The following SLC4A3 variants were observed in gnomAD, a reference collection of about 807,000 sequenced individuals.
The protein encoded by SLC4A3 is solute carrier family 4 member 3.
In SLC4A3, 47 loss-of-function variants were observed where a neutral mutation model predicts 114.2. That is an observed-to-expected ratio of 0.41 (90% CI 0.33 to 0.52). SLC4A3 has a LOEUF of 0.52. Ranked by LOEUF, SLC4A3 falls within the 20% of genes least tolerant of loss-of-function variation. SLC4A3 has a pLI of 0.21. For missense variants in SLC4A3, 1,312 were observed against 1,668.3 expected (o/e 0.79, Z 3.72); for synonymous variants, 693 against 710.3 (o/e 0.98, Z 0.39).
At position 219,639,519 on chromosome 2, in the gene SLC4A3, G is replaced by C; in HGVS notation, c.3061G>C (p.Gly1021Arg). 6.2e-7 allele frequency: 1 copy of C among 1,613,910 alleles called. No homozygotes were observed. The highest frequency in any genetic ancestry group is 8.5e-7 in the Non-Finnish European group (1 of 1,180,020). ...CCAGAAGGCGCGGAGGCTGCTCAAG[G>C]GCTCCGGTTTCCACCTGGACCTGCT... is the stretch of plus-strand genomic sequence containing the variant. ...VSQKARRLLK[G>R]SGFHLDLLLI... The change falls in exon 20 of 23, where the codon GGC becomes CGC. Residue 1021 changes from glycine (G) to arginine (R), a missense_variant. Gly to Arg is a moderately radical substitution (Grantham distance 125, BLOSUM62 -2). Transcript: ENST00000358055. This position sits in a 1 kb window ranked among gnomAD's most constrained non-coding sequence, Gnocchi z 5.9.
Position 219,633,658 on chromosome 2 carries a change from C to T in SLC4A3, c.1461+201C>T, listed in dbSNP as rs115857565. On this transcript the variant is annotated intron_variant, in intron 10 of 22. Transcript: ENST00000358055. Reference sequence around the variant, plus strand: ...TTTGAATGTGATGATGTGGCAGACCCACAGGAGCTGTTTAAACAAGATAAG... The same window carrying T: ...TTTGAATGTGATGATGTGGCAGACCTACAGGAGCTGTTTAAACAAGATAAG... 4.5e-3 allele frequency among the ~76,000 whole-genome samples: 687 copies of T among 152,340 alleles called. 5 individuals carry two copies. The highest frequency in any genetic ancestry group is 0.014 in the African/African-American group (582 of 41,584).
Position 219,627,981 on chromosome 2 carries a change from G to A in SLC4A3, c.-12G>A, listed in dbSNP as rs747344822. 3 of 1,600,122 alleles carry A rather than the reference G, an allele frequency of 1.9e-6. No homozygotes were observed. Among genetic ancestry groups the A allele is most frequent in the Admixed American group, 1.7e-5 (1 of 59,164 alleles). On this transcript the variant is annotated 5_prime_UTR_variant, in exon 2 of 23. Coordinates refer to ENST00000358055, the MANE Select transcript of SLC4A3 (RefSeq NM_005070.4). ...CTAGTGAGCGAGAGCGTCCCCAGCC[G>A]CCTACCTGGCCATGGCCAACGGAGT...
In SLC4A3 at chr2:219,634,731, A is replaced by G. The variant is rs1699058584; in HGVS notation, c.1746+127A>G. On this transcript the variant is annotated intron_variant, in intron 12 of 22. Coordinates refer to ENST00000358055, the MANE Select transcript of SLC4A3 (RefSeq NM_005070.4). ...CCCCTGGGTGGAGGCCATGCCCTGGAGGGTGGTGGGGGGAGCTGTTGGCCC... is the reference window on the plus strand; with the variant it reads ...CCCCTGGGTGGAGGCCATGCCCTGGGGGGTGGTGGGGGGAGCTGTTGGCCC... 5 of 1,027,910 alleles carry G rather than the reference A, an allele frequency of 4.9e-6. No homozygotes were observed. The South Asian group carries it at 5.0e-5, about 10-fold the overall frequency. The allele number at this position is 1,027,910 out of a possible 1,614,324, so 63.7% of individuals were successfully genotyped here. A position where few individuals can be genotyped will look rare whatever the true frequency, so the allele number is the denominator to read the frequency against.
At position 219,636,457 on chromosome 2, in the gene SLC4A3, C is replaced by T. The variant is rs773059149; in HGVS notation, c.2340+7C>T. ...TGAGGAAGCCTTCTTCAAGGTGAGG[C>T]GAAGCCTTGCCCTGCTCCATCCATC... On this transcript the variant is annotated splice_region_variant and intron_variant, in intron 15 of 22. Transcript: ENST00000358055. The surrounding 1 kb of genome is among the most constrained non-coding windows in gnomAD (Gnocchi z 5.5). 2.5e-5 allele frequency: 40 copies of T among 1,597,498 alleles called. No homozygotes were observed. The highest frequency in any genetic ancestry group is 6.7e-5 in the African/African-American group (5 of 74,326).
In SLC4A3 at chr2:219,629,658, G is replaced by T. The variant is rs1559196993; in HGVS notation, c.574G>T (p.Gly192Cys). ...AAVTKPLPSV[G>C]PHTDKSPQHS... ...TGTCACCAAGCCCCTGCCCTCGGTGGGCCCACACACTGACAAGAGCCCCCA... is the reference window on the plus strand; with the variant it reads ...TGTCACCAAGCCCCTGCCCTCGGTGTGCCCACACACTGACAAGAGCCCCCA... The change falls in exon 5 of 23, where the codon GGC becomes TGC. Residue 192 changes from glycine (G) to cysteine (C), a missense_variant. Gly to Cys is a radical substitution (Grantham distance 159, BLOSUM62 -3). Transcript: ENST00000358055. 6.2e-7 allele frequency: 1 copy of T among 1,613,282 alleles called. No homozygotes were observed. The highest frequency in any genetic ancestry group is 8.5e-7 in the Non-Finnish European group (1 of 1,179,754).
chr2:219,628,663 G>A lies in SLC4A3; in HGVS notation c.217+93G>A. ...CGCTCACCTCCGGCTTGGTCACCCA[G>A]TGCCATCCTGTGCCGGACACTGTGC... On this transcript the variant is annotated intron_variant, in intron 3 of 22. Transcript: ENST00000358055. This position sits in a 1 kb window ranked among gnomAD's most constrained non-coding sequence, Gnocchi z 4.8. The A allele has an allele frequency of 1.6e-6, 2 of 1,251,832 alleles. No individual in the cohort carries two copies. Among genetic ancestry groups the A allele is most frequent in the Non-Finnish European group, 1.1e-6 (1 of 881,002 alleles). The allele number at this position is 1,251,832 out of a possible 1,614,324, so 77.5% of individuals were successfully genotyped here.
chr2:219,629,659 G>A lies in SLC4A3; in HGVS notation c.575G>A (p.Gly192Asp). 1 of 1,612,682 alleles carries A rather than the reference G, an allele frequency of 6.2e-7. No individual in the cohort carries two copies. Among genetic ancestry groups the A allele is most frequent in the Non-Finnish European group, 8.5e-7 (1 of 1,179,544 alleles). The change falls in exon 5 of 23, where the codon GGC (glycine) becomes GAC (aspartate). Residue 192 changes from glycine (G) to aspartate (D), a missense_variant. Transcript: ENST00000358055. The stretch of plus-strand genomic sequence containing the variant: ...GTCACCAAGCCCCTGCCCTCGGTGG[G>A]CCCACACACTGACAAGAGCCCCCAG... ...AAVTKPLPSV[G>D]PHTDKSPQHS...
rs969292394 is a variant in SLC4A3 at position 219,628,677 on chromosome 2, C to G, written c.217+107C>G. 2 of 1,153,034 alleles carry G rather than the reference C, an allele frequency of 1.7e-6. No homozygotes were observed. Among genetic ancestry groups the G allele is most frequent in the Non-Finnish European group, 2.5e-6 (2 of 796,610 alleles). The allele number at this position is 1,153,034 out of a possible 1,614,324, so 71.4% of individuals were successfully genotyped here. A position where few individuals can be genotyped will look rare whatever the true frequency, so the allele number is the denominator to read the frequency against. On this transcript the variant is annotated intron_variant, in intron 3 of 22. Coordinates refer to ENST00000358055, the MANE Select transcript of SLC4A3 (RefSeq NM_005070.4). The surrounding 1 kb of genome is among the most constrained non-coding windows in gnomAD (Gnocchi z 4.8). ...TTGGTCACCCAGTGCCATCCTGTGC[C>G]GGACACTGTGCTGGACTCTGTGCTG...
In SLC4A3 at chr2:219,640,881, C is replaced by T; in HGVS notation, c.3540C>T (p.Ala1180=). Residue 1180 remains alanine (A), a synonymous_variant, in exon 22 of 23, where the codon GCC becomes GCT. Coordinates refer to ENST00000358055, the MANE Select transcript of SLC4A3 (RefSeq NM_005070.4). ...WVVKSTAASL[A]FPFLLLLTVP... Reference sequence around the variant, plus strand: ...TCAAGTCCACGGCGGCCTCACTCGCCTTTCCCTTCCTGCTGCTGCTCACGG... The same window carrying T: ...TCAAGTCCACGGCGGCCTCACTCGCTTTTCCCTTCCTGCTGCTGCTCACGG... 6.2e-7 allele frequency: 1 copy of T among 1,612,014 alleles called. No homozygotes were observed. The highest frequency in any genetic ancestry group is 1.1e-5 in the South Asian group (1 of 91,074).
In SLC4A3 at chr2:219,635,532, A is replaced by T. The variant is rs1192741127; in HGVS notation, c.1972+36A>T. On this transcript the variant is annotated intron_variant, in intron 13 of 22. Coordinates refer to ENST00000358055, the MANE Select transcript of SLC4A3 (RefSeq NM_005070.4). ...TGGAGGCTGAGTGCCCCCAATACAC[A>T]CTCCCCCATCCCAGGGCCCTAAGGC... 2.0e-6 allele frequency: 3 copies of T among 1,535,584 alleles called. No homozygotes were observed. In the Admixed American group the frequency reaches 5.7e-5, roughly 29 times the overall value.
At chr2:219,632,805 G>C in intron 8 of SLC4A3, 69 bp from the exon 9 acceptor site, 1 of 1,592,110 alleles carries the variant, frequency 6.3e-7, no homozygotes, top group Non-Finnish European at 8.6e-7. Context: ...TGGGGGGCAA[G>C]GCAGAGTGGG....
In SLC4A3 at chr2:219,632,296, G is replaced by C. The variant is rs185822333; in HGVS notation, c.995G>C (p.Arg332Pro). 2.5e-6 allele frequency: 4 copies of C among 1,613,958 alleles called. No homozygotes were observed. Among genetic ancestry groups the C allele is most frequent in the Admixed American group, 3.3e-5 (2 of 60,006 alleles). Residue 332 changes from arginine (R) to proline (P), a missense_variant, in exon 8 of 23, where the codon CGC becomes CCC. This residue lies in a region of SLC4A3 where 771 missense variants were observed against 977.7 expected (regional missense o/e 0.79). Coordinates refer to ENST00000358055, the MANE Select transcript of SLC4A3 (RefSeq NM_005070.4). The part of the protein sequence containing the change: ...FVELNELMLD[R>P]SQEPHWRETA... ...GAGCTGAACGAGCTGATGCTGGACCGCAGCCAGGAGCCCCACTGGCGGGAG... is the reference window on the plus strand; with the variant it reads ...GAGCTGAACGAGCTGATGCTGGACCCCAGCCAGGAGCCCCACTGGCGGGAG...
At position 219,637,497 on chromosome 2, in the gene SLC4A3, C is replaced by G; in HGVS notation, c.2536-84C>G. ...TCTGACCAGGTATTGAGGGGCCACC[C>G]TCTCTCTCACAGGTGTACTGATGAC... On this transcript the variant is annotated intron_variant, in intron 16 of 22. Coordinates refer to ENST00000358055, the MANE Select transcript of SLC4A3 (RefSeq NM_005070.4). The surrounding 1 kb of genome is among the most constrained non-coding windows in gnomAD (Gnocchi z 4.6). The G allele has an allele frequency of 1.3e-6, 1 of 741,442 alleles. No homozygotes were observed. The highest frequency in any genetic ancestry group is 1.7e-5 in the South Asian group (1 of 57,472). The allele number at this position is 741,442 out of a possible 1,614,324, so 45.9% of individuals were successfully genotyped here.
Position 219,633,310 on chromosome 2 carries a change from C to A in SLC4A3, c.1314C>A (p.Pro438=). 1 of 1,594,178 alleles carries A rather than the reference C, an allele frequency of 6.3e-7. No individual in the cohort carries two copies. Among genetic ancestry groups the A allele is most frequent in the South Asian group, 1.1e-5 (1 of 88,038 alleles). The change falls in exon 10 of 23, where the codon CCC becomes CCA. Residue 438 remains proline (P), a synonymous_variant. Transcript: ENST00000358055. Reference sequence around the variant, plus strand: ...ATGACAAGGACAGTGGCTTCTTTCCCCGAAACCCATCGAGCTCCAGCATGA... The same window carrying A: ...ATGACAAGGACAGTGGCTTCTTTCCACGAAACCCATCGAGCTCCAGCATGA... ...PNDDKDSGFF[P]RNPSSSSMNS...
Position 219,639,007 on chromosome 2 carries a change from G to A in SLC4A3, c.3023+138G>A, listed in dbSNP as rs906327979. 7 of 961,620 alleles carry A rather than the reference G, an allele frequency of 7.3e-6. No individual in the cohort carries two copies. The African/African-American group carries it at 1.1e-4, about 15-fold the overall frequency. 59.6% of individuals were successfully genotyped at this position (961,620 alleles called of 1,614,324 possible). On this transcript the variant is annotated intron_variant, in intron 19 of 22. Coordinates refer to ENST00000358055, the MANE Select transcript of SLC4A3 (RefSeq NM_005070.4). This position sits in a 1 kb window ranked among gnomAD's most constrained non-coding sequence, Gnocchi z 5.9. ...GTGGGAGCTGGTGGCAATCCTTGAG[G>A]AAGAGAGTGTGTGTGGAGGAGCTGG...
Position 219,638,831 on chromosome 2 carries a change from C to G in SLC4A3, c.2985C>G (p.Leu995=). The part of the protein sequence containing the change: ...MMVAAAVPAL[L]VLILIFMETQ... ...TGGCAGCCGCTGTTCCCGCCCTCCTCGTCCTCATCCTGATCTTCATGGAGA... is the reference window on the plus strand; with the variant it reads ...TGGCAGCCGCTGTTCCCGCCCTCCTGGTCCTCATCCTGATCTTCATGGAGA... The change falls in exon 19 of 23, where the codon CTC becomes CTG. Residue 995 remains leucine, a synonymous_variant. Coordinates refer to ENST00000358055, the MANE Select transcript of SLC4A3 (RefSeq NM_005070.4). The surrounding 1 kb of genome is among the most constrained non-coding windows in gnomAD (Gnocchi z 7.5). 1 of 1,614,134 alleles carries G rather than the reference C, an allele frequency of 6.2e-7. No individual in the cohort carries two copies. Among genetic ancestry groups the G allele is most frequent in the Non-Finnish European group, 8.5e-7 (1 of 1,180,036 alleles).
chr2:219,641,109 AC>A lies in SLC4A3; in HGVS notation c.3621+149del. 1 of 774,382 alleles carries A rather than the reference AC, an allele frequency of 1.3e-6. No homozygotes were observed. Among genetic ancestry groups the A allele is most frequent in the Non-Finnish European group, 2.1e-6 (1 of 485,500 alleles). 48.0% of individuals were successfully genotyped at this position (774,382 alleles called of 1,614,324 possible). A position where few individuals can be genotyped will look rare whatever the true frequency, so the allele number is the denominator to read the frequency against. ...TCTCACCTTCCGAAATCTTATTTTC[AC>A]CTGTATAATAGGGGTGATCATAGAC... On this transcript the variant is annotated intron_variant, in intron 22 of 22. Coordinates refer to ENST00000358055, the MANE Select transcript of SLC4A3 (RefSeq NM_005070.4). The surrounding 1 kb of genome is among the most constrained non-coding windows in gnomAD (Gnocchi z 4.0).
chr2:219,631,131 C>G lies in SLC4A3; in HGVS notation c.811+779C>G. The G allele has an allele frequency of 8.6e-7, 1 of 1,164,948 alleles. No homozygotes were observed. The highest frequency in any genetic ancestry group is 1.1e-6 in the Non-Finnish European group (1 of 921,356). 72.2% of individuals were successfully genotyped at this position (1,164,948 alleles called of 1,614,324 possible). A position where few individuals can be genotyped will look rare whatever the true frequency, so the allele number is the denominator to read the frequency against. ...GGGAGTTGGGGTCGGGAGGCTGTGCCACCTTCAGCTCTGGTTGGACAGAAG... is the reference window on the plus strand; with the variant it reads ...GGGAGTTGGGGTCGGGAGGCTGTGCGACCTTCAGCTCTGGTTGGACAGAAG... On this transcript the variant is annotated intron_variant, in intron 6 of 22. Transcript: ENST00000358055. The surrounding 1 kb of genome is among the most constrained non-coding windows in gnomAD (Gnocchi z 6.3).
rs1185249099 is a variant in SLC4A3 at position 219,637,787 on chromosome 2, G to A, written c.2742G>A (p.Arg914=). 2 of 1,613,750 alleles carry A rather than the reference G, an allele frequency of 1.2e-6. No individual in the cohort carries two copies. The highest frequency in any genetic ancestry group is 1.7e-6 in the Non-Finnish European group (2 of 1,179,830). The change falls in exon 17 of 23, where the codon AGG becomes AGA. Residue 914 remains arginine, a synonymous_variant. Transcript: ENST00000358055. This position sits in a 1 kb window ranked among gnomAD's most constrained non-coding sequence, Gnocchi z 4.6. ...TAGCCTTCTTCCTGCGCAAGTTCAGGAACAGCCGCTTCCTGGGGGGCAAGG... is the reference window on the plus strand; with the variant it reads ...TAGCCTTCTTCCTGCGCAAGTTCAGAAACAGCCGCTTCCTGGGGGGCAAGG... ...FFIAFFLRKF[R]NSRFLGGKAR...
Sources: gnomAD v4.1 joint callset for allele counts (sites outside exome capture counted in the v4.1 genomes callset) on GRCh38, gnomAD v4.1.1 for gene constraint, gnomAD v4.1.1 regional missense constraint, Gnocchi (gnomAD v3.1) non-coding constraint, MANE v1.5 for transcripts, NCBI Gene and HGNC (gene_info 2026-07-23, HGNC 2026-07-21) for gene names.